PCDH15: variants seen among roughly 807,000 people sequenced by gnomAD.
The protein encoded by PCDH15 is protocadherin related 15.
PCDH15 carries 129 observed loss-of-function variants against 178.5 expected under a neutral mutation model. The ratio of observed to expected loss-of-function variants is 0.72; its 90% CI spans 0.63 to 0.84. The LOEUF (loss-of-function observed/expected upper bound fraction) is 0.84. Ranked by LOEUF, PCDH15 falls within the 40% of genes least tolerant of loss-of-function variation. The pLI, the probability that PCDH15 is intolerant of heterozygous loss-of-function variation, is 0.00. For synonymous variants in PCDH15, 800 were observed against 732.0 expected, an observed-to-expected ratio of 1.09 and a Z score of -1.50; for missense variants, 2,230 against 2,099.9, an observed-to-expected ratio of 1.06 and a Z score of -1.21.
intron 1 of PCDH15, among the ~76,000 whole-genome samples, chr10:54,704,640 T>A (rs1448421443): frequency 2.0e-5 from 3 of 152,050 alleles, no homozygotes. Context: ...CCATCTTACA[T>A]CAATCAGAAT....
At chr10:54,385,536 C>T (rs1010563728) in intron 3 of PCDH15, among the ~76,000 whole-genome samples, 8 of 151,888 alleles carry the variant, frequency 5.3e-5, no homozygotes, top group Admixed American at 2.0e-4. Context: ...CAGTGCCTAT[C>T]GTAGAAAAAC....
At chr10:54,090,731 A>G (rs897389045) in intron 15 of PCDH15, among the ~76,000 whole-genome samples, 4 of 151,992 alleles carry the variant, frequency 2.6e-5, no homozygotes, top group African/African-American at 4.8e-5. Flanking sequence ...TGTTCAGAAT[A>G]TATCAAGACA....
At chr10:54,328,081 C>A (rs2133860391) in intron 7 of PCDH15, among the ~76,000 whole-genome samples, 1 of 152,030 alleles carries the variant, frequency 6.6e-6, no homozygotes, top group Non-Finnish European at 1.5e-5. Context: ...TTCATGGTAT[C>A]ATCCAGAGTA....
In PCDH15 at chr10:53,840,450, C is replaced by T. The variant is rs144780135; in HGVS notation, c.3853G>A (p.Val1285Ile). The T allele has an allele frequency of 5.6e-6, 9 of 1,613,948 alleles. No individual in the cohort carries two copies. The highest frequency in any genetic ancestry group is 3.3e-5 in the South Asian group (3 of 91,086). ...CGGCGAGCTCCAATGGACTCCACTA[C>T]GACCTTGGCACCAGGAATTTGTTCC... ...VQEQIPGAKV[V>I]VESIGARRHG... The change falls in exon 29 of 38, where the codon GTA becomes ATA. Residue 1285 changes from valine (V) to isoleucine (I), a missense_variant. Coordinates refer to ENST00000644397, the MANE Select transcript of PCDH15 (RefSeq NM_001384140.1).
intron 25 of PCDH15, among the ~76,000 whole-genome samples, chr10:53,935,560 T>C (rs1240467416): frequency 2.0e-5 from 3 of 152,182 alleles, no homozygotes; most frequent in Non-Finnish European, 4.4e-5. Flanking sequence ...AAATGAATTT[T>C]ATGGGAGCAT....
chr10:54,715,510 G>A (rs1287553714), intron 1 of PCDH15, among the ~76,000 whole-genome samples: 2 of 152,106 alleles, frequency 1.3e-5, no homozygotes. Context: ...AATAACAAAG[G>A]ACACTCCAGA....
At chr10:55,297,961 A>G (rs1843175295) in intron 1 of PCDH15, among the ~76,000 whole-genome samples, 1 of 152,096 alleles carries the variant, frequency 6.6e-6, no homozygotes, top group Non-Finnish European at 1.5e-5. Flanking sequence ...AAAGCCCTCC[A>G]CAATACTAAC....
At chr10:54,085,747 T>C (rs2094505109) in intron 16 of PCDH15, among the ~76,000 whole-genome samples, 1 of 152,174 alleles carries the variant, frequency 6.6e-6, no homozygotes, top group South Asian at 2.1e-4. Flanking sequence ...ATTAAAATAA[T>C]AATTCAGTAC....
At chr10:54,061,633 GTC>G (rs1338905542) in intron 18 of PCDH15, among the ~76,000 whole-genome samples, 2 of 151,400 alleles carry the variant, frequency 1.3e-5, no homozygotes, top group Admixed American at 1.3e-4. Flanking sequence ...CTATTATAAT[GTC>G]TCTTTTTCCT....
rs141020885 is a variant in PCDH15 at position 54,345,224 on chromosome 10, A to G, written c.594+1141T>C. 8.0e-3 allele frequency among the ~76,000 whole-genome samples: 1,223 copies of G among 152,152 alleles called. 15 individuals are homozygous for G. The highest frequency in any genetic ancestry group is 0.027 in the African/African-American group (1,116 of 41,534). On this transcript the variant is annotated intron_variant, in intron 6 of 37. Transcript: ENST00000644397. ...AATGCATCCACAATTTACTTAACAT[A>G]ATGCAATAAATTTGTGATGTAGATC...
chr10:54,242,505 G>A (rs968269544), intron 8 of PCDH15, among the ~76,000 whole-genome samples: 7 of 151,602 alleles, frequency 4.6e-5, no homozygotes, highest in African/African-American at 1.5e-4. Context: ...TTCATGCATG[G>A]GTAGGTTGTC....
At chr10:55,364,077 C>T (rs1365591074) in intron 2 of PCDH15, among the ~76,000 whole-genome samples, 1 of 152,020 alleles carries the variant, frequency 6.6e-6, no homozygotes, top group African/African-American at 2.4e-5. Context: ...TGAGTGAGTT[C>T]TCACGAAATC....
chr10:55,048,324 G>A (rs1368697960), intron 2 of PCDH15, among the ~76,000 whole-genome samples: 2 of 151,686 alleles, frequency 1.3e-5, no homozygotes, highest in East Asian at 3.9e-4. Context: ...ATAAGATAAA[G>A]GACTAAACAT....
intron 3 of PCDH15, among the ~76,000 whole-genome samples, chr10:54,812,027 A>T (rs1952871650): frequency 6.6e-6 from 1 of 152,158 alleles, no homozygotes; most frequent in Admixed American, 6.6e-5. Flanking sequence ...TCTCCAAAGA[A>T]TAAGTGCATC....
intron 18 of PCDH15, among the ~76,000 whole-genome samples, chr10:54,051,548 CTTGAGAGAGATTAT>C (rs2093774870): frequency 6.6e-6 from 1 of 152,136 alleles, no homozygotes; most frequent in Admixed American, 6.6e-5. Context: ...GAACTTTAAA[CTTGAGAGAGATTAT>C]TTAAGGTATC....
At chr10:54,981,749 C>T (rs1280232611) in intron 2 of PCDH15, among the ~76,000 whole-genome samples, 3 of 151,896 alleles carry the variant, frequency 2.0e-5, no homozygotes, top group Non-Finnish European at 4.4e-5. Context: ...TACATGTTTA[C>T]TTATTTTTCC....
chr10:55,177,054 A>G (rs1839510300), intron 1 of PCDH15, among the ~76,000 whole-genome samples: 1 of 152,172 alleles, frequency 6.6e-6, no homozygotes, highest in South Asian at 2.1e-4. Flanking sequence ...CAGAAGATGT[A>G]AGATCTCAAA....
chr10:54,373,098 G>C (rs1226349791), intron 4 of PCDH15, among the ~76,000 whole-genome samples: 1 of 151,596 alleles, frequency 6.6e-6, no homozygotes, highest in Non-Finnish European at 1.5e-5. Flanking sequence ...GTTTTTATAG[G>C]GGATTTGTTG....
At chr10:54,744,264 C>T (rs187293036) in intron 1 of PCDH15, among the ~76,000 whole-genome samples, 1 of 152,142 alleles carries the variant, frequency 6.6e-6, no homozygotes, top group Admixed American at 6.6e-5. Context: ...AACTATAGCC[C>T]AATTGACACC....
Sources: gnomAD v4.1 joint callset for allele counts (sites outside exome capture counted in the v4.1 genomes callset) on GRCh38, gnomAD v4.1.1 for gene constraint, MANE v1.5 for transcripts, NCBI Gene and HGNC (gene_info 2026-07-23, HGNC 2026-07-21) for gene names.